The following LINGO2 variants were observed in gnomAD, a reference collection of about 807,000 sequenced individuals.
The protein encoded by LINGO2 is leucine-rich repeat and immunoglobulin-like domain-containing nogo receptor-interacting protein 2.
LINGO2 carries 14 observed loss-of-function variants against 30.6 expected under a neutral mutation model. That is an observed-to-expected ratio of 0.46 (90% CI 0.30 to 0.72). The LOEUF (loss-of-function observed/expected upper bound fraction) is 0.72, where lower values mean the gene tolerates loss of function less well. LINGO2 is among the 30% of genes least tolerant of loss of function. The pLI, the probability that LINGO2 is intolerant of heterozygous loss-of-function variation, is 0.07. For synonymous variants in LINGO2, 317 were observed against 288.5 expected, an observed-to-expected ratio of 1.10 and a Z score of -1.00; for missense variants, 729 against 751.7, an observed-to-expected ratio of 0.97 and a Z score of 0.35.
the LINGO2 span, among the ~76,000 whole-genome samples, chr9:28,756,968 GAGATA>G: frequency 6.6e-6 from 1 of 151,858 alleles, no homozygotes; most frequent in African/African-American, 2.4e-5. Flanking sequence ...TCTCATAAAT[GAGATA>G]AGATGTGTGC....
the LINGO2 span, among the ~76,000 whole-genome samples, chr9:29,030,637 T>A: frequency 6.6e-6 from 1 of 152,160 alleles, no homozygotes; most frequent in East Asian, 1.9e-4. Flanking sequence ...TTCTTCTCAT[T>A]CCATTATATC....
At chr9:28,558,838 A>G (rs1374061640) in intron 1 of LINGO2, among the ~76,000 whole-genome samples, 1 of 151,946 alleles carries the variant, frequency 6.6e-6, no homozygotes, top group Non-Finnish European at 1.5e-5. Context: ...GTGTTTAATT[A>G]CTCTTACTGG....
the LINGO2 span, among the ~76,000 whole-genome samples, chr9:28,914,816 C>T: frequency 6.6e-6 from 1 of 152,256 alleles, no homozygotes; most frequent in South Asian, 2.1e-4. Context: ...ATCACTAACC[C>T]AAACAGTCCT....
At chr9:29,080,122 C>T in the LINGO2 span, among the ~76,000 whole-genome samples, 1 of 151,830 alleles carries the variant, frequency 6.6e-6, no homozygotes, top group African/African-American at 2.4e-5. Flanking sequence ...CAATTTCAGA[C>T]CCTGTTTTTG....
chr9:28,723,432 C>T, the LINGO2 span, among the ~76,000 whole-genome samples: 55,910 of 151,852 alleles, frequency 0.37, 11,650 homozygotes, highest in African/African-American at 0.55. Flanking sequence ...TGTGGCTATA[C>T]ATATTAGAAA....
chr9:28,845,100 C>T, the LINGO2 span, among the ~76,000 whole-genome samples: 3 of 151,764 alleles, frequency 2.0e-5, no homozygotes, highest in Non-Finnish European at 4.4e-5. Context: ...CAGGTCAGCC[C>T]AATGCATTAC....
At chr9:28,932,755 G>A in the LINGO2 span, among the ~76,000 whole-genome samples, 1 of 151,890 alleles carries the variant, frequency 6.6e-6, no homozygotes, top group Non-Finnish European at 1.5e-5. Context: ...TTGCAAAGTT[G>A]TATCAATTTA....
At chr9:29,055,974 A>ATATGTGTG in the LINGO2 span, among the ~76,000 whole-genome samples, 1 of 149,922 alleles carries the variant, frequency 6.7e-6, no homozygotes, top group African/African-American at 2.4e-5. Context: ...GTATATATGC[A>ATATGTGTG]TACACACACA....
At chr9:29,084,365 C>G in the LINGO2 span, among the ~76,000 whole-genome samples, 1 of 152,042 alleles carries the variant, frequency 6.6e-6, no homozygotes, top group Non-Finnish European at 1.5e-5. Context: ...CTTGAACAGA[C>G]AGTAAAAGGA....
chr9:28,403,920 T>C (rs1234752052), intron 2 of LINGO2, among the ~76,000 whole-genome samples: 3 of 152,120 alleles, frequency 2.0e-5, no homozygotes, highest in Non-Finnish European at 4.4e-5. Flanking sequence ...ATCATCTCTA[T>C]TCTTCTCCCA....
intron 1 of LINGO2, among the ~76,000 whole-genome samples, chr9:28,530,227 GTGA>G (rs1384857482): frequency 1.3e-5 from 2 of 151,836 alleles, no homozygotes; most frequent in Non-Finnish European, 2.9e-5. Flanking sequence ...CACGATGATG[GTGA>G]TGATGATGAC....
At chr9:28,081,181 G>A (rs980770483) in intron 4 of LINGO2, among the ~76,000 whole-genome samples, 10 of 151,686 alleles carry the variant, frequency 6.6e-5, no homozygotes, top group African/African-American at 2.4e-4. Context: ...CTACCCACTA[G>A]ATGCAGTAGC....
intron 1 of LINGO2, among the ~76,000 whole-genome samples, chr9:28,578,900 G>A (rs1268489579): frequency 6.6e-6 from 1 of 152,078 alleles, no homozygotes; most frequent in Admixed American, 6.6e-5. Flanking sequence ...TTAAGCTTAG[G>A]TTGTTACCCC....
Position 28,477,562 on chromosome 9 carries a change from C to G in LINGO2, c.-364-1537G>C, listed in dbSNP as rs1443195507. Among the ~76,000 whole-genome samples the G allele has an allele frequency of 4.6e-5, 7 of 152,146 alleles. 1 individual carries two copies. The highest frequency in any genetic ancestry group is 3.9e-4 in the Admixed American group (6 of 15,270). On this transcript the variant is annotated intron_variant, in intron 1 of 5. Transcript: ENST00000379992. ...GAAACTGAAACATTTGCCTTGTATT[C>G]AAGCCAGAAATGTAGGCATCTCCTT... is the stretch of plus-strand genomic sequence containing the variant.
At chr9:28,971,110 G>C in the LINGO2 span, among the ~76,000 whole-genome samples, 43 of 152,114 alleles carry the variant, frequency 2.8e-4, no homozygotes, top group African/African-American at 9.9e-4. Flanking sequence ...GTTCCTGGAC[G>C]ATATTTCCAG....
At chr9:28,626,825 A>AG (rs199772478) in intron 1 of LINGO2, among the ~76,000 whole-genome samples, 35,168 of 149,948 alleles carry the variant, frequency 0.23, 4,834 homozygotes, top group African/African-American at 0.37. Context: ...TAAAAATTCT[A>AG]TTGTGTGTGT....
chr9:28,184,945 AAACAC>A (rs1564025507), intron 4 of LINGO2, among the ~76,000 whole-genome samples: 10 of 152,160 alleles, frequency 6.6e-5, no homozygotes, highest in African/African-American at 2.4e-4. Flanking sequence ...AATTAAAACA[AAACAC>A]AACAAAACAA....
chr9:29,092,351 G>A, the LINGO2 span, among the ~76,000 whole-genome samples: 10 of 151,924 alleles, frequency 6.6e-5, no homozygotes, highest in South Asian at 8.3e-4. Context: ...AAAGGCCATC[G>A]TATCCCCAAA....
At chr9:28,594,711 A>G (rs1443898227) in intron 1 of LINGO2, among the ~76,000 whole-genome samples, 1 of 152,142 alleles carries the variant, frequency 6.6e-6, no homozygotes, top group African/African-American at 2.4e-5. Flanking sequence ...AGATCGCAAT[A>G]TGAAAAGCTT....
Sources: gnomAD v4.1 joint callset for allele counts (sites outside exome capture counted in the v4.1 genomes callset) on GRCh38, gnomAD v4.1.1 for gene constraint, MANE v1.5 for transcripts, NCBI Gene and HGNC (gene_info 2026-07-23, HGNC 2026-07-21) for gene names.